HDAC4: variants seen among roughly 807,000 people sequenced by gnomAD.
The protein encoded by HDAC4 is histone deacetylase A.
Under a neutral mutation model 135.1 loss-of-function variants are expected in HDAC4, and 16 were observed. That is an observed-to-expected ratio of 0.12 (90% CI 0.08 to 0.18). The LOEUF is 0.18. Among genes scored for constraint, HDAC4 ranks in the 10% least tolerant of loss-of-function variants. The pLI, the probability that HDAC4 is intolerant of heterozygous loss-of-function variation, is 1.00. For synonymous variants in HDAC4, 685 were observed against 653.4 expected, an observed-to-expected ratio of 1.05 and a Z score of -0.74; for missense variants, 1,143 against 1,511.8, an observed-to-expected ratio of 0.76 and a Z score of 4.05.
intron 13 of HDAC4, among the ~76,000 whole-genome samples, chr2:239,112,722 C>G (rs2038787837): frequency 6.6e-6 from 1 of 152,246 alleles, no homozygotes; most frequent in East Asian, 1.9e-4. Context: ...GCACAGCAAC[C>G]TGCCACCCAG....
At chr2:239,162,914 A>G (rs1292552720) in intron 6 of HDAC4, among the ~76,000 whole-genome samples, 1 of 151,946 alleles carries the variant, frequency 6.6e-6, no homozygotes, top group Non-Finnish European at 1.5e-5. Context: ...TTTTTTTCCA[A>G]CGAAATTACT....
In HDAC4 at chr2:239,307,384, G is replaced by A. The variant is rs113819332; in HGVS notation, c.22+45294C>T. On this transcript the variant is annotated intron_variant, in intron 2 of 26. Transcript: ENST00000543185. This position sits in a 1 kb window ranked among gnomAD's most constrained non-coding sequence, Gnocchi z 4.8. ...GCGGCTCTCCGTGATGCCCAGAGGC[G>A]GCCACTGGGCCCCAGGAGAGAGGGG... Among the ~76,000 whole-genome samples the A allele has an allele frequency of 5.3e-4, 81 of 152,250 alleles. No individual in the cohort carries two copies. The highest frequency in any genetic ancestry group is 1.8e-3 in the African/African-American group (74 of 41,540).
chr2:239,252,231 C>T (rs1017419653), intron 2 of HDAC4, among the ~76,000 whole-genome samples: 4 of 152,196 alleles, frequency 2.6e-5, no homozygotes, highest in African/African-American at 9.6e-5. Context: ...CTCCCAGGAG[C>T]CTGTGATGCC....
At chr2:239,238,541 C>T (rs1204544381) in intron 2 of HDAC4, among the ~76,000 whole-genome samples, 3 of 152,186 alleles carry the variant, frequency 2.0e-5, no homozygotes, top group African/African-American at 7.2e-5. Context: ...ACCTTAGCTT[C>T]CACCTCAGCA....
intron 4 of HDAC4, among the ~76,000 whole-genome samples, chr2:239,177,322 G>T (rs1221424258): frequency 1.3e-5 from 2 of 152,196 alleles, no homozygotes; most frequent in African/African-American, 4.8e-5. Flanking sequence ...AAATACGGGT[G>T]GTTGGCCCTC....
rs564098964 is a variant in HDAC4 at position 239,059,129 on chromosome 2, G to A, written c.3004-4296C>T. ...AAAGAAGAAATCATAACAGACATCA[G>A]GAAATGCTGAGAATTAAAAAGTAAT... On this transcript the variant is annotated intron_variant, in intron 24 of 26. Transcript: ENST00000543185. Among the ~76,000 whole-genome samples, 14 of 152,284 alleles carry A rather than the reference G, an allele frequency of 9.2e-5. No homozygotes were observed. The East Asian group carries it at 2.5e-3, about 27-fold the overall frequency.
intron 4 of HDAC4, among the ~76,000 whole-genome samples, chr2:239,182,781 T>A (rs2153020907): frequency 6.6e-6 from 1 of 152,256 alleles, no homozygotes; most frequent in South Asian, 2.1e-4. Context: ...CCCTCTGCCC[T>A]CGGCATGCTC....
At chr2:239,094,824 TGCCCGAGTCGGCGATCAAAAC>T in intron 17 of HDAC4, 165 bp downstream of exon 17, 1 of 1,476,894 alleles carries the variant, frequency 6.8e-7, no homozygotes, top group Non-Finnish European at 9.1e-7. Context: ...CAGAGAAAGG[TGCCCGAGTCGGCGATCAAAAC>T]GCTCTCGGCT....
rs781691135 is a variant in HDAC4 at position 239,196,526 on chromosome 2, T to A, written c.95-6449A>T. On this transcript the variant is annotated intron_variant, in intron 3 of 26. Transcript: ENST00000543185. ...AACACCAGTGCAGTGGAAGGAGGAG[T>A]TGACGATGGTTCCCGGGACAGGACA... 5.9e-5 allele frequency among the ~76,000 whole-genome samples: 9 copies of A among 151,870 alleles called. No individual in the cohort carries two copies. The East Asian group carries it at 1.4e-3, about 23-fold the overall frequency.
At chr2:239,057,532 A>G (rs1350321312) in intron 24 of HDAC4, among the ~76,000 whole-genome samples, 2 of 152,256 alleles carry the variant, frequency 1.3e-5, no homozygotes, top group African/African-American at 4.8e-5. Context: ...CAGAATCTTC[A>G]AAGAGGTAGC....
chr2:239,102,373 C>T lies in HDAC4; in HGVS notation c.2233+403G>A, dbSNP rs1039967506. ...TCAGCCAGAGCCAAGACACCAGCAG[C>T]CTTTCACCCCTAAGCAGTGGACACT... is the stretch of plus-strand genomic sequence containing the variant. On this transcript the variant is annotated intron_variant, in intron 16 of 26. Transcript: ENST00000543185. Among the ~76,000 whole-genome samples the T allele has an allele frequency of 5.3e-5, 8 of 152,342 alleles. No individual in the cohort carries two copies. The East Asian group carries it at 1.5e-3, about 29-fold the overall frequency.
chr2:239,271,110 G>C (rs1275447742), intron 2 of HDAC4, among the ~76,000 whole-genome samples: 1 of 152,156 alleles, frequency 6.6e-6, no homozygotes, highest in Non-Finnish European at 1.5e-5. Context: ...TTGGGGCTTA[G>C]TATGTTTTTT....
rs768075956 is a variant in HDAC4 at position 239,053,565 on chromosome 2, G to A, written c.3125C>T (p.Thr1042Ile). The change falls in exon 26 of 27, where the codon ACA (threonine) becomes ATA (isoleucine). Residue 1042 changes from threonine (T) to isoleucine (I), a missense_variant. Thr to Ile is a moderately conservative substitution (Grantham distance 89, BLOSUM62 -1). Coordinates refer to ENST00000543185, the MANE Select transcript of HDAC4 (RefSeq NM_001378414.1). The part of the protein sequence containing the change: ...YWRCLQRTTS[T>I]AGRSLIEAQT... ...AGCCTCGATCAGAGAACGCCCCGCTGTGGAGGTTGTGCGCTGCAGGCAGCG... is the reference window on the plus strand; with the variant it reads ...AGCCTCGATCAGAGAACGCCCCGCTATGGAGGTTGTGCGCTGCAGGCAGCG... The A allele has an allele frequency of 6.2e-7, 1 of 1,613,948 alleles. No individual in the cohort carries two copies. The highest frequency in any genetic ancestry group is 1.1e-5 in the South Asian group (1 of 91,082).
chr2:239,067,584 G>A lies in HDAC4; in HGVS notation c.2870-729C>T, dbSNP rs140495892. ...GAGGATGTGGTGGCCGCGGTGCTCCGGGCCGGGTGCTGTGGGGCGTTGGGC... is the reference window on the plus strand; with the variant it reads ...GAGGATGTGGTGGCCGCGGTGCTCCAGGCCGGGTGCTGTGGGGCGTTGGGC... On this transcript the variant is annotated intron_variant, in intron 23 of 26. Transcript: ENST00000543185. Among the ~76,000 whole-genome samples, 274 of 152,316 alleles carry A rather than the reference G, an allele frequency of 1.8e-3. 1 individual carries two copies. Among genetic ancestry groups the A allele is most frequent in the African/African-American group, 6.3e-3 (261 of 41,566 alleles).
At chr2:239,241,793 A>G (rs2048188334) in intron 2 of HDAC4, among the ~76,000 whole-genome samples, 1 of 152,196 alleles carries the variant, frequency 6.6e-6, no homozygotes, top group East Asian at 1.9e-4. Context: ...ATGTCCCCTC[A>G]GTGTTATTAA....
At chr2:239,337,713 G>C (rs1450377376) in intron 2 of HDAC4, among the ~76,000 whole-genome samples, 1 of 152,110 alleles carries the variant, frequency 6.6e-6, no homozygotes, top group Non-Finnish European at 1.5e-5. Context: ...CGGCGACGGG[G>C]GAGACAGGAT....
In HDAC4 at chr2:239,115,436, C is replaced by T; in HGVS notation, c.1534-126G>A. On this transcript the variant is annotated intron_variant, in intron 12 of 26. Coordinates refer to ENST00000543185, the MANE Select transcript of HDAC4 (RefSeq NM_001378414.1). The surrounding 1 kb of genome is among the most constrained non-coding windows in gnomAD (Gnocchi z 6.3). ...ATCAGGGACTCAGGGCACCTTATCA[C>T]CCTGCCACAGGCCAGCAGGCACCTT... 1 of 1,199,966 alleles carries T rather than the reference C, an allele frequency of 8.3e-7. No individual in the cohort carries two copies. Among genetic ancestry groups the T allele is most frequent in the Non-Finnish European group, 1.2e-6 (1 of 844,956 alleles). 74.3% of individuals were successfully genotyped at this position (1,199,966 alleles called of 1,614,324 possible). A position where few individuals can be genotyped will look rare whatever the true frequency, so the allele number is the denominator to read the frequency against.
rs2046919139 is a variant in HDAC4, at chr2:239,220,999, G to A, written c.94+15594C>T. 1.3e-5 allele frequency among the ~76,000 whole-genome samples: 2 copies of A among 152,026 alleles called. 1 individual carries two copies. The highest frequency in any genetic ancestry group is 4.1e-4 in the South Asian group (2 of 4,822). On this transcript the variant is annotated intron_variant, in intron 3 of 26. Transcript: ENST00000543185. ...CCAAGGCGAGGTACTCCCTCACCAC[G>A]AAGACCTCCCTCCCACCAGCCCTTG...
At chr2:239,269,672 T>C (rs1257480876) in intron 2 of HDAC4, among the ~76,000 whole-genome samples, 1 of 152,226 alleles carries the variant, frequency 6.6e-6, no homozygotes, top group African/African-American at 2.4e-5. Context: ...TATCAAGTAC[T>C]GGTCACCTCG....
Sources: gnomAD v4.1 joint callset for allele counts (sites outside exome capture counted in the v4.1 genomes callset) on GRCh38, gnomAD v4.1.1 for gene constraint, Gnocchi (gnomAD v3.1) non-coding constraint, MANE v1.5 for transcripts, NCBI Gene and HGNC (gene_info 2026-07-23, HGNC 2026-07-21) for gene names.